GPC6: variants seen among roughly 807,000 people sequenced by gnomAD.
The protein encoded by GPC6 is glypican 6, also known as glypican-6.
GPC6 carries 14 observed loss-of-function variants against 55.2 expected under a neutral mutation model. That is an observed-to-expected ratio of 0.25 (90% CI 0.17 to 0.40). The LOEUF (loss-of-function observed/expected upper bound fraction) is 0.40, where lower values mean the gene tolerates loss of function less well. GPC6 is among the 10% of genes least tolerant of loss of function. The pLI is 1.00. For synonymous variants in GPC6, 278 were observed against 259.6 expected, an observed-to-expected ratio of 1.07 and a Z score of -0.68; for missense variants, 641 against 708.5, an observed-to-expected ratio of 0.90 and a Z score of 1.08.
At chr13:94,387,730 T>TTTTCTCTC (rs10630666) in intron 7 of GPC6, among the ~76,000 whole-genome samples, 9 of 141,258 alleles carry the variant, frequency 6.4e-5, no homozygotes, top group South Asian at 2.3e-4. Flanking sequence ...AGACATGAGT[T>TTTTCTCTC]TCTCTCTCTC....
intron 6 of GPC6, among the ~76,000 whole-genome samples, chr13:94,342,370 A>C (rs1299126841): frequency 6.6e-6 from 1 of 152,160 alleles, no homozygotes; most frequent in Non-Finnish European, 1.5e-5. Flanking sequence ...CTTCCTAATA[A>C]GAAGGGAATT....
chr13:93,600,967 G>GA (rs1238312026), intron 2 of GPC6, among the ~76,000 whole-genome samples: 5,089 of 110,716 alleles, frequency 0.046, 308 homozygotes, highest in African/African-American at 0.15. Flanking sequence ...AAAAAAAAAA[G>GA]AAAAAAAAAA....
intron 4 of GPC6, among the ~76,000 whole-genome samples, chr13:94,043,389 T>G (rs1468919233): frequency 6.6e-6 from 1 of 151,850 alleles, no homozygotes; most frequent in Non-Finnish European, 1.5e-5. Flanking sequence ...ATTTTGAAGA[T>G]TTTCAACTTA....
chr13:93,674,093 C>A (rs771446583), intron 2 of GPC6, among the ~76,000 whole-genome samples: 1 of 152,024 alleles, frequency 6.6e-6, no homozygotes, highest in Non-Finnish European at 1.5e-5. Context: ...GTAGAGATAA[C>A]CACGTAAATG....
intron 1 of GPC6, among the ~76,000 whole-genome samples, chr13:93,341,690 C>T (rs567459288): frequency 2.2e-3 from 301 of 139,372 alleles, no homozygotes; most frequent in African/African-American, 7.5e-3. Context: ...CTGTTTACTC[C>T]GCTGCTTTTT....
chr13:93,583,042 AGG>A (rs1877010852), intron 2 of GPC6, among the ~76,000 whole-genome samples: 1 of 152,214 alleles, frequency 6.6e-6, no homozygotes, highest in South Asian at 2.1e-4. Flanking sequence ...TCACCTTAAC[AGG>A]TGATTTACTT....
chr13:93,517,085 CAA>C (rs67119949), intron 1 of GPC6, among the ~76,000 whole-genome samples: 143,312 of 152,044 alleles, frequency 0.94, 68,104 homozygotes, highest in East Asian at 1. Context: ...CATTCATAGA[CAA>C]AGAGAGAATT....
At chr13:93,778,244 C>A (rs976953054) in intron 2 of GPC6, among the ~76,000 whole-genome samples, 3 of 152,046 alleles carry the variant, frequency 2.0e-5, no homozygotes, top group African/African-American at 7.2e-5. Flanking sequence ...GAATGTTGTT[C>A]TCCTTTGACA....
At chr13:93,421,534 C>T (rs1042492104) in intron 1 of GPC6, among the ~76,000 whole-genome samples, 10 of 152,100 alleles carry the variant, frequency 6.6e-5, no homozygotes, top group Non-Finnish European at 7.4e-5. Flanking sequence ...AGAACAACGT[C>T]GAGCTATATA....
rs1158367139 is a variant in GPC6, at chr13:93,311,199, A to G, written c.160+83583A>G. On this transcript the variant is annotated intron_variant, in intron 1 of 8. Coordinates refer to ENST00000377047, the MANE Select transcript of GPC6 (RefSeq NM_005708.5). Reference sequence around the variant, plus strand: ...TGGAGGAAATTTTGACACCTTTTCTATTTCTGGAAGGCTTTGGTTTTCAGA... The same window carrying G: ...TGGAGGAAATTTTGACACCTTTTCTGTTTCTGGAAGGCTTTGGTTTTCAGA... Among the ~76,000 whole-genome samples the G allele has an allele frequency of 2.0e-5, 3 of 152,102 alleles. No individual in the cohort carries two copies. The East Asian group carries it at 5.8e-4, about 29-fold the overall frequency.
chr13:94,208,753 C>CA (rs762261930), intron 4 of GPC6, among the ~76,000 whole-genome samples: 2,945 of 36,196 alleles, frequency 0.081, 465 homozygotes, highest in African/African-American at 0.21. Flanking sequence ...TCCCATCTCC[C>CA]AAAAAAAAAA....
intron 2 of GPC6, among the ~76,000 whole-genome samples, chr13:93,565,913 C>T (rs1876080084): frequency 7.0e-6 from 1 of 142,300 alleles, no homozygotes; most frequent in African/African-American, 2.6e-5. Flanking sequence ...CAGGGTGAGA[C>T]TCTGTCTCAA....
chr13:93,360,002 C>T (rs1371793374), intron 1 of GPC6, among the ~76,000 whole-genome samples: 1 of 152,104 alleles, frequency 6.6e-6, no homozygotes, highest in East Asian at 1.9e-4. Flanking sequence ...ACTCTTTACC[C>T]TAAGTCATTG....
At chr13:93,916,716 G>A (rs1047507102) in intron 3 of GPC6, among the ~76,000 whole-genome samples, 1 of 150,456 alleles carries the variant, frequency 6.6e-6, no homozygotes, top group Non-Finnish European at 1.5e-5. Flanking sequence ...ACGAAACTGT[G>A]TTGTTCTATT....
intron 6 of GPC6, among the ~76,000 whole-genome samples, chr13:94,375,544 T>A: frequency 6.6e-6 from 1 of 151,786 alleles, no homozygotes; most frequent in Non-Finnish European, 1.5e-5. Flanking sequence ...TCTGAAATTG[T>A]GGCAATAATC....
chr13:93,771,865 G>A (rs1249415533), intron 2 of GPC6, among the ~76,000 whole-genome samples: 1 of 152,084 alleles, frequency 6.6e-6, no homozygotes, highest in Non-Finnish European at 1.5e-5. Flanking sequence ...AAGCCTGTGG[G>A]GAATCAAACT....
intron 4 of GPC6, among the ~76,000 whole-genome samples, chr13:94,247,904 A>G (rs1374696174): frequency 2.6e-5 from 4 of 152,002 alleles, no homozygotes; most frequent in Non-Finnish European, 5.9e-5. Context: ...AGGTACAAAC[A>G]CAGTGCATTG....
At chr13:93,880,568 G>A (rs940697171) in intron 3 of GPC6, among the ~76,000 whole-genome samples, 3 of 152,078 alleles carry the variant, frequency 2.0e-5, no homozygotes, top group Admixed American at 6.6e-5. Context: ...CTGTTGTGGG[G>A]TTGGGGGAGG....
intron 1 of GPC6, among the ~76,000 whole-genome samples, chr13:93,228,626 G>A (rs1315381895): frequency 6.6e-6 from 1 of 152,204 alleles, no homozygotes; most frequent in African/African-American, 2.4e-5. Context: ...AACGTGTCGG[G>A]GAGAGATAAT....
Sources: allele counts gnomAD v4.1 joint callset (sites outside exome capture counted in the v4.1 genomes callset), GRCh38; gene constraint gnomAD v4.1.1; transcripts MANE v1.5; gene names NCBI Gene and HGNC (gene_info 2026-07-23, HGNC 2026-07-21).